Variants in NDUFA10 observed in about 807,000 individuals in gnomAD.
NDUFA10 encodes NADH dehydrogenase [ubiquinone] 1 alpha subcomplex subunit 10, mitochondrial.
A neutral mutation model predicts 47.8 loss-of-function variants in NDUFA10; 40 were observed. That is an observed-to-expected ratio of 0.84 (90% CI 0.65 to 1.09). NDUFA10 has a LOEUF of 1.09. NDUFA10 is among the 50% of genes least tolerant of loss of function. The pLI is 0.00. For synonymous variants in NDUFA10, 183 were observed against 172.2 expected, an observed-to-expected ratio of 1.06 and a Z score of -0.49; for missense variants, 413 against 451.1, an observed-to-expected ratio of 0.92 and a Z score of 0.76.
chr2:239,971,266 C>T (rs907466328), intron 9 of NDUFA10, among the ~76,000 whole-genome samples: 10 of 152,200 alleles, frequency 6.6e-5, no homozygotes, highest in African/African-American at 2.4e-4. Flanking sequence ...GAACAAGCAC[C>T]TCCCCGCCCA....
At chr2:239,905,413 C>T (rs955828935) in intron 4 of NDUFA10, among the ~76,000 whole-genome samples, 1 of 152,210 alleles carries the variant, frequency 6.6e-6, no homozygotes, top group East Asian at 1.9e-4. Flanking sequence ...TCAGCAGCCT[C>T]GAAGATTTGC....
intron 9 of NDUFA10, among the ~76,000 whole-genome samples, chr2:239,979,750 G>T (rs1422993809): frequency 6.6e-6 from 1 of 152,104 alleles, no homozygotes; most frequent in Non-Finnish European, 1.5e-5. Context: ...CTGAGACCCA[G>T]ATGATGCCAC....
In NDUFA10 at chr2:239,943,043, C is replaced by G. The variant is rs765116255; in HGVS notation, c.294+47031G>C. The G allele has an allele frequency of 9.1e-5, 14 of 154,464 alleles. 1 individual carries two copies. Among genetic ancestry groups the G allele is most frequent in the Non-Finnish European group, 1.8e-4 (12 of 68,240 alleles). 9.6% of individuals were successfully genotyped at this position (154,464 alleles called of 1,614,324 possible). On this transcript the variant is annotated intron_variant, in intron 4 of 5. Transcript: ENST00000419408. The stretch of plus-strand genomic sequence containing the variant: ...AAATGGCCCAGACCAGAGCTGGCTT[C>G]ACCTCATCACAGGGAGAGTGGTGCA...
intron 4 of NDUFA10, among the ~76,000 whole-genome samples, chr2:239,933,882 G>T (rs1292916734): frequency 6.6e-6 from 1 of 151,894 alleles, no homozygotes; most frequent in African/African-American, 2.4e-5. Flanking sequence ...TTTAGAGAGG[G>T]CGTCTCACTC....
chr2:239,936,654 T>G (rs1694271062), intron 4 of NDUFA10, among the ~76,000 whole-genome samples: 1 of 152,128 alleles, frequency 6.6e-6, no homozygotes, highest in Admixed American at 6.5e-5. Flanking sequence ...AACCTGCTTT[T>G]AAAAAAGTAA....
intron 2 of NDUFA10, 120 bp downstream of exon 2, chr2:240,022,052 C>A (rs1397452263): frequency 3.6e-6 from 3 of 822,252 alleles, no homozygotes; most frequent in Non-Finnish European, 4.9e-6. Flanking sequence ...GAAATACCCA[C>A]CTTAGGCCCA....
chr2:239,915,309 TAAAC>T (rs1693841074), intron 4 of NDUFA10, among the ~76,000 whole-genome samples: 1 of 85,066 alleles, frequency 1.2e-5, no homozygotes, highest in Non-Finnish European at 2.6e-5. Context: ...GAGACAGAGA[TAAAC>T]ATACACACAC....
chr2:239,997,413 A>G (rs1696524793), intron 8 of NDUFA10, among the ~76,000 whole-genome samples: 1 of 152,270 alleles, frequency 6.6e-6, no homozygotes, highest in African/African-American at 2.4e-5. Context: ...AATGCAAAGT[A>G]AAACAAATAC....
intron 7 of NDUFA10, 87 bp downstream of exon 7, chr2:240,007,229 G>T: frequency 1.0e-6 from 1 of 990,852 alleles, no homozygotes. Flanking sequence ...AAGACCAGTG[G>T]GAATCTAACT....
chr2:240,019,682 A>G lies in NDUFA10; in HGVS notation c.461-1043T>C, dbSNP rs1451074136. Reference sequence around the variant, plus strand: ...AAATACAAAAAAATTAGCCGGGCGTAGTGGCGGGCGCCTGTAGTCCCAGCT... The same window carrying G: ...AAATACAAAAAAATTAGCCGGGCGTGGTGGCGGGCGCCTGTAGTCCCAGCT... On this transcript the variant is annotated intron_variant, in intron 3 of 9. Coordinates refer to ENST00000252711, the MANE Select transcript of NDUFA10 (RefSeq NM_004544.4). Among the ~76,000 whole-genome samples, 2 of 83,288 alleles carry G rather than the reference A, an allele frequency of 2.4e-5. 1 individual carries two copies. The highest frequency in any genetic ancestry group is 9.4e-5 in the African/African-American group (2 of 21,380). The allele number at this position is 83,288 out of a possible 152,430, so 54.6% of individuals were successfully genotyped here. A position where few individuals can be genotyped will look rare whatever the true frequency, so the allele number is the denominator to read the frequency against.
intron 4 of NDUFA10, among the ~76,000 whole-genome samples, chr2:239,913,795 A>C (rs1693794503): frequency 6.6e-6 from 1 of 152,236 alleles, no homozygotes; most frequent in Non-Finnish European, 1.5e-5. Flanking sequence ...GGCAGGCTGC[A>C]TGTTCCAGCA....
chr2:239,921,264 G>A (rs1163952776), intron 4 of NDUFA10, among the ~76,000 whole-genome samples: 1 of 137,802 alleles, frequency 7.3e-6, no homozygotes, highest in East Asian at 2.7e-4. Context: ...TGGTCTCACT[G>A]ACTTCAAGAA....
At chr2:239,999,954 C>T (rs575549348) in intron 8 of NDUFA10, among the ~76,000 whole-genome samples, 1 of 152,322 alleles carries the variant, frequency 6.6e-6, no homozygotes, top group Admixed American at 6.5e-5. Flanking sequence ...TGGAGCTGAA[C>T]ACTTCCTATC....
At chr2:239,994,961 G>C (rs892329245) in intron 8 of NDUFA10, among the ~76,000 whole-genome samples, 8 of 152,102 alleles carry the variant, frequency 5.3e-5, no homozygotes, top group African/African-American at 1.9e-4. Context: ...ACAATGAATT[G>C]AGTGATTTTA....
intron 9 of NDUFA10, among the ~76,000 whole-genome samples, chr2:239,988,565 A>G (rs1696100136): frequency 6.6e-6 from 1 of 152,224 alleles, no homozygotes; most frequent in South Asian, 2.1e-4. Context: ...AAACCCAAGG[A>G]GACCAAGAGG....
downstream of NDUFA10, among the ~76,000 whole-genome samples, chr2:239,956,948 C>A (rs755706940): frequency 1.3e-5 from 2 of 152,190 alleles, no homozygotes; most frequent in African/African-American, 2.4e-5. Flanking sequence ...CTCTCCCTGA[C>A]GCGTGTGGAG....
Position 239,960,214 on chromosome 2 carries a change from A to G in NDUFA10, c.*904T>C. ...TGGAGCTTTACAGTGGAAAACCCAC[A>G]GTTCAGTAGGACTCACAACTGACAG... On this transcript the variant is annotated 3_prime_UTR_variant, in exon 10 of 10. Coordinates refer to ENST00000252711, the MANE Select transcript of NDUFA10 (RefSeq NM_004544.4). 3 of 985,468 alleles carry G rather than the reference A, an allele frequency of 3.0e-6. No individual in the cohort carries two copies. Among genetic ancestry groups the G allele is most frequent in the Non-Finnish European group, 3.6e-6 (3 of 829,950 alleles). 61.0% of individuals were successfully genotyped at this position (985,468 alleles called of 1,614,324 possible).
At chr2:239,922,617 G>A (rs188074364) in intron 4 of NDUFA10, among the ~76,000 whole-genome samples, 55 of 152,350 alleles carry the variant, frequency 3.6e-4, no homozygotes, top group Admixed American at 1.2e-3. Flanking sequence ...ACTGTCGTCC[G>A]TCAGGTTGAC....
At chr2:239,976,171 G>A (rs1478007331) in intron 9 of NDUFA10, among the ~76,000 whole-genome samples, 1 of 152,098 alleles carries the variant, frequency 6.6e-6, no homozygotes, top group Non-Finnish European at 1.5e-5. Context: ...TCCAGGCTTG[G>A]TTACATAACA....
Sources: allele counts gnomAD v4.1 joint callset (sites outside exome capture counted in the v4.1 genomes callset), GRCh38; gene constraint gnomAD v4.1.1; transcripts MANE v1.5; gene names NCBI Gene and HGNC (gene_info 2026-07-23, HGNC 2026-07-21).